TANGO6: variants seen among roughly 807,000 people sequenced by gnomAD.
TANGO6 encodes transport and golgi organization 6 homolog.
In TANGO6, 90 loss-of-function variants were observed where a neutral mutation model predicts 114.2. That is an observed-to-expected ratio of 0.79 (90% CI 0.66 to 0.94). The LOEUF is 0.94. TANGO6 is among the 40% of genes least tolerant of loss of function. The probability of loss-of-function intolerance (pLI) is 0.00; values close to 1 mark genes in which losing one functional copy is unlikely to be tolerated. For missense variants in TANGO6, 1,274 were observed against 1,315.3 expected (o/e 0.97, Z 0.49); for synonymous variants, 477 against 509.8 (o/e 0.94, Z 0.87).
chr16:69,070,687 G>A (rs893663000), intron 17 of TANGO6, among the ~76,000 whole-genome samples: 2 of 148,912 alleles, frequency 1.3e-5, no homozygotes, highest in Non-Finnish European at 3.0e-5. Context: ...GATGTGCTCT[G>A]CTACAAGGGT....
At chr16:69,009,641 G>A (rs1372403224) in intron 15 of TANGO6, among the ~76,000 whole-genome samples, 1 of 152,076 alleles carries the variant, frequency 6.6e-6, no homozygotes, top group Non-Finnish European at 1.5e-5. Context: ...GGTCAACTTT[G>A]GATATTGCCA....
Position 69,031,676 on chromosome 16 carries a change from G to T in TANGO6, c.2995-8632G>T, listed in dbSNP as rs185910141. On this transcript the variant is annotated intron_variant, in intron 16 of 17. Transcript: ENST00000261778. ...TCCTGACTAGTGACTTTTTTTTTTT[G>T]ATACAGAGTTTTGCTCTGTCGCCCA... 6.6e-3 allele frequency among the ~76,000 whole-genome samples: 983 copies of T among 149,892 alleles called. 5 individuals are homozygous for T. Among genetic ancestry groups the T allele is most frequent in the Non-Finnish European group, 0.011 (733 of 67,466 alleles).
intron 15 of TANGO6, among the ~76,000 whole-genome samples, chr16:69,002,423 C>G (rs1288254381): frequency 2.0e-5 from 3 of 152,132 alleles, no homozygotes; most frequent in Non-Finnish European, 4.4e-5. Context: ...TAGGAGGTGA[C>G]TGGATCATAG....
intron 17 of TANGO6, among the ~76,000 whole-genome samples, chr16:69,054,777 CAAA>C (rs34537360): frequency 7.0e-6 from 1 of 143,582 alleles, no homozygotes; most frequent in Non-Finnish European, 1.5e-5. Flanking sequence ...ACTAAAAATA[CAAA>C]AAAAAAAAAA....
At chr16:69,027,064 T>C (rs1394114260) in intron 16 of TANGO6, among the ~76,000 whole-genome samples, 1 of 152,206 alleles carries the variant, frequency 6.6e-6, no homozygotes, top group Admixed American at 6.5e-5. Context: ...CATTTCGCCA[T>C]GTTGGCCAGC....
At chr16:68,917,771 A>G (rs1336666423) in intron 11 of TANGO6, among the ~76,000 whole-genome samples, 5 of 151,810 alleles carry the variant, frequency 3.3e-5, no homozygotes. Flanking sequence ...TTTTCTTTTC[A>G]AGATAGGATC....
intron 14 of TANGO6, among the ~76,000 whole-genome samples, chr16:68,933,227 C>T (rs1798824335): frequency 6.6e-6 from 1 of 152,190 alleles, no homozygotes; most frequent in African/African-American, 2.4e-5. Flanking sequence ...CCAGCCTGAT[C>T]AACATGGTGA....
At chr16:69,073,332 C>T (rs553488950) in intron 17 of TANGO6, among the ~76,000 whole-genome samples, 1 of 152,314 alleles carries the variant, frequency 6.6e-6, no homozygotes, top group East Asian at 1.9e-4. Context: ...GTTCCTCTTC[C>T]TCCACCCACC....
At chr16:69,051,165 A>C (rs1355213315) in intron 17 of TANGO6, among the ~76,000 whole-genome samples, 1 of 152,194 alleles carries the variant, frequency 6.6e-6, no homozygotes, top group Non-Finnish European at 1.5e-5. Context: ...CAATAGTTTT[A>C]CAAAGCTTGT....
At chr16:69,021,270 G>A (rs538932465) in intron 15 of TANGO6, among the ~76,000 whole-genome samples, 10 of 152,116 alleles carry the variant, frequency 6.6e-5, no homozygotes, top group East Asian at 3.9e-4. Flanking sequence ...CATGCCAGGC[G>A]TGCTCCTCTA....
intron 16 of TANGO6, chr16:69,034,853 ATTCTTTTTTTT>A (rs757592633): frequency 7.9e-5 from 11 of 139,240 alleles, no homozygotes; most frequent in African/African-American, 2.9e-4. Flanking sequence ...TGTAGATAAC[ATTCTTTTTTTT>A]TTCTTTTTTT....
Position 69,040,191 on chromosome 16 carries a change from C to T in TANGO6, c.2995-117C>T, listed in dbSNP as rs1247873956. Reference sequence around the variant, plus strand: ...TGTTGAGGATTAAGCAACTATCCAGCCCTCTCTAAGCCAGATTGCTCTTGA... The same window carrying T: ...TGTTGAGGATTAAGCAACTATCCAGTCCTCTCTAAGCCAGATTGCTCTTGA... On this transcript the variant is annotated intron_variant, in intron 16 of 17. Coordinates refer to ENST00000261778, the MANE Select transcript of TANGO6 (RefSeq NM_024562.2). The T allele has an allele frequency of 6.1e-6, 5 of 818,714 alleles. No individual in the cohort carries two copies. The East Asian group carries it at 1.3e-4, about 22-fold the overall frequency. 50.7% of individuals were successfully genotyped at this position (818,714 alleles called of 1,614,324 possible).
At chr16:69,047,222 G>A (rs1043196821) in intron 17 of TANGO6, among the ~76,000 whole-genome samples, 1 of 150,738 alleles carries the variant, frequency 6.6e-6, no homozygotes, top group Non-Finnish European at 1.5e-5. Flanking sequence ...TGGGCGCGGT[G>A]TCTCACAACT....
rs542886563 is a variant in TANGO6 at position 68,909,776 on chromosome 16, C to T, written c.1992+374C>T. On this transcript the variant is annotated intron_variant, in intron 11 of 17. Coordinates refer to ENST00000261778, the MANE Select transcript of TANGO6 (RefSeq NM_024562.2). ...GATTCAGCATGTCTGCATTAGAGCC[C>T]GGGCATCTTCGTCCTACTCAAGCTC... Among the ~76,000 whole-genome samples, 37 of 152,204 alleles carry T rather than the reference C, an allele frequency of 2.4e-4. No individual in the cohort carries two copies. The South Asian group carries it at 4.8e-3, about 20-fold the overall frequency.
intron 17 of TANGO6, 21 bp from the exon 18 acceptor site, chr16:69,083,464 A>G (rs1960495288): frequency 6.3e-7 from 1 of 1,596,836 alleles, no homozygotes. Flanking sequence ...ACAGGCGGTC[A>G]TGGCTGTCTC....
chr16:69,013,782 G>A (rs774599306), intron 15 of TANGO6, among the ~76,000 whole-genome samples: 2 of 150,812 alleles, frequency 1.3e-5, no homozygotes, highest in African/African-American at 2.4e-5. Context: ...TCAGCCTCCC[G>A]AGTAGCTACG....
chr16:69,065,394 G>T (rs1196291238), intron 17 of TANGO6, among the ~76,000 whole-genome samples: 2 of 152,146 alleles, frequency 1.3e-5, no homozygotes, highest in Non-Finnish European at 2.9e-5. Context: ...CACCATCTTG[G>T]TCTTTGTCCC....
intron 1 of TANGO6, among the ~76,000 whole-genome samples, chr16:68,859,109 G>T (rs1567524975): frequency 6.6e-6 from 1 of 152,148 alleles, no homozygotes; most frequent in Non-Finnish European, 1.5e-5. Context: ...TCCATATTTT[G>T]TGATCTTCCT....
At position 68,907,569 on chromosome 16, in the gene TANGO6, T is replaced by C; in HGVS notation, c.1794T>C (p.Cys598=). ...CGLAGDFFIF[C]LKELTHVASE... is the part of the protein sequence containing the mutation. ...TGGCAGGAGACTTCTTCATCTTCTG[T>C]TTGAAAGTAAGAACTACCTGTAGTT... The change falls in exon 10 of 18, where the codon TGT becomes TGC. Residue 598 remains cysteine (C), a synonymous_variant. Coordinates refer to ENST00000261778, the MANE Select transcript of TANGO6 (RefSeq NM_024562.2). The C allele has an allele frequency of 6.2e-7, 1 of 1,611,898 alleles. No individual in the cohort carries two copies. Among genetic ancestry groups the C allele is most frequent in the Non-Finnish European group, 8.5e-7 (1 of 1,179,194 alleles).
Sources: allele counts gnomAD v4.1 joint callset (sites outside exome capture counted in the v4.1 genomes callset), GRCh38; gene constraint gnomAD v4.1.1; transcripts MANE v1.5; gene names NCBI Gene and HGNC (gene_info 2026-07-23, HGNC 2026-07-21).